The following SLC7A14 variants were observed in gnomAD, a reference collection of about 807,000 sequenced individuals.
The protein encoded by SLC7A14 is solute carrier family 7 member 14.
In SLC7A14, 37 loss-of-function variants were observed where a neutral mutation model predicts 60.2. That is an observed-to-expected ratio of 0.61 (90% confidence interval 0.47 to 0.81). The LOEUF is 0.81. Among genes scored for constraint, SLC7A14 ranks in the 30% least tolerant of loss-of-function variants. The pLI is 0.00. For synonymous variants in SLC7A14, 399 were observed against 395.8 expected (o/e 1.01, Z -0.10); for missense variants, 886 against 982.7 (o/e 0.90, Z 1.32).
At position 170,463,814 on chromosome 3, in the gene SLC7A14, G is replaced by A. The variant is rs1173332484; in HGVS notation, c.*3241C>T. Reference sequence around the variant, plus strand: ...CATTTTCCTCCAATTCATTCATTCTGTCAATCATCAGGTATTTCTTGAATA... The same window carrying A: ...CATTTTCCTCCAATTCATTCATTCTATCAATCATCAGGTATTTCTTGAATA... On this transcript the variant is annotated 3_prime_UTR_variant, in exon 8 of 8. Coordinates refer to ENST00000231706, the MANE Select transcript of SLC7A14 (RefSeq NM_020949.3). 6.6e-6 allele frequency: 1 copy of A among 152,166 alleles called. No individual in the cohort carries two copies. Among genetic ancestry groups the A allele is most frequent in the Non-Finnish European group, 1.5e-5 (1 of 68,038 alleles). The allele number at this position is 152,166 out of a possible 1,614,324, so 9.4% of individuals were successfully genotyped here. A position where few individuals can be genotyped will look rare whatever the true frequency, so the allele number is the denominator to read the frequency against.
rs369587781 is a variant in SLC7A14 at position 170,486,851 on chromosome 3, G to A, written c.760-483C>T. Among the ~76,000 whole-genome samples the A allele has an allele frequency of 2.5e-4, 35 of 138,360 alleles. No individual in the cohort carries two copies. The South Asian group carries it at 4.9e-3, about 19-fold the overall frequency. 90.8% of individuals were successfully genotyped at this position (138,360 alleles called of 152,430 possible). Reference sequence around the variant, plus strand: ...CGCGCCATTGCACTCCAGCCTCGGCGACAGAGGGAGACTCCATCTCAAAAA... The same window carrying A: ...CGCGCCATTGCACTCCAGCCTCGGCAACAGAGGGAGACTCCATCTCAAAAA... On this transcript the variant is annotated intron_variant, in intron 4 of 7. Transcript: ENST00000231706.
intron 1 of SLC7A14, among the ~76,000 whole-genome samples, chr3:170,545,437 G>A (rs1316117657): frequency 6.6e-6 from 1 of 152,196 alleles, no homozygotes; most frequent in Non-Finnish European, 1.5e-5. Flanking sequence ...ACAGTGGTTG[G>A]TGATGAACAT....
intron 1 of SLC7A14, among the ~76,000 whole-genome samples, chr3:170,559,448 A>T (rs1014522351): frequency 6.6e-6 from 1 of 152,226 alleles, no homozygotes; most frequent in African/African-American, 2.4e-5. Context: ...GATCCATAAC[A>T]TCACTTTAAC....
chr3:170,575,919 C>T lies in SLC7A14; in HGVS notation c.-153+9992G>A, dbSNP rs546075292. On this transcript the variant is annotated intron_variant, in intron 1 of 7. Transcript: ENST00000231706. ...GCCCCTGGCTGAATAAATACATCCA[C>T]CTATCTGTATTCAAGTTTCTTCAGT... 3.2e-4 allele frequency among the ~76,000 whole-genome samples: 48 copies of T among 152,324 alleles called. 2 individuals carry two copies. The South Asian group carries it at 9.5e-3, about 30-fold the overall frequency.
intron 7 of SLC7A14, among the ~76,000 whole-genome samples, chr3:170,467,841 TATAAG>T (rs1739765857): frequency 6.6e-6 from 1 of 152,214 alleles, no homozygotes; most frequent in Non-Finnish European, 1.5e-5. Context: ...CCAACGTTCT[TATAAG>T]ATTTGATTAT....
chr3:170,489,302 T>C (rs1712140153), intron 4 of SLC7A14, among the ~76,000 whole-genome samples: 1 of 152,062 alleles, frequency 6.6e-6, no homozygotes, highest in African/African-American at 2.4e-5. Context: ...GGGCAAAAGA[T>C]TTGAATAGAC....
chr3:170,467,988 C>G (rs16855102), intron 7 of SLC7A14, among the ~76,000 whole-genome samples: 27,334 of 152,232 alleles, frequency 0.18, 2,549 homozygotes, highest in East Asian at 0.26. Flanking sequence ...AAGCTGCCTG[C>G]TTTCTTCTGT....
chr3:170,491,485 CA>C (rs1261417284), intron 4 of SLC7A14, among the ~76,000 whole-genome samples: 1 of 152,166 alleles, frequency 6.6e-6, no homozygotes, highest in African/African-American at 2.4e-5. Flanking sequence ...ATGATTCAAA[CA>C]AAATTTCAAT....
At chr3:170,561,460 A>G (rs944964249) in intron 1 of SLC7A14, among the ~76,000 whole-genome samples, 2 of 152,224 alleles carry the variant, frequency 1.3e-5, no homozygotes, top group African/African-American at 4.8e-5. Context: ...TCCAGGGTTT[A>G]GACTAATCTG....
chr3:170,481,173 G>A lies in SLC7A14; in HGVS notation c.1116-7C>T. On this transcript the variant is annotated splice_region_variant and splice_polypyrimidine_tract_variant and intron_variant, in intron 6 of 7. Transcript: ENST00000231706. ...GCTGACGTGAGCCAGGAACCTGGAG[G>A]GGCCGGGCAAGCAGAGGGTTAATGG... 1.9e-6 allele frequency: 3 copies of A among 1,611,010 alleles called. No homozygotes were observed. The highest frequency in any genetic ancestry group is 2.5e-6 in the Non-Finnish European group (3 of 1,178,532).
intron 7 of SLC7A14, among the ~76,000 whole-genome samples, chr3:170,474,915 A>G (rs1711565972): frequency 6.6e-6 from 1 of 152,228 alleles, no homozygotes; most frequent in African/African-American, 2.4e-5. Context: ...TGGTTACATT[A>G]TAATAAAAAC....
intron 1 of SLC7A14, among the ~76,000 whole-genome samples, chr3:170,571,350 C>A (rs919243571): frequency 2.6e-5 from 4 of 152,180 alleles, no homozygotes; most frequent in Non-Finnish European, 4.4e-5. Context: ...CAGTTTAGGG[C>A]AAATCTGTCT....
rs200569665 is a variant in SLC7A14 at position 170,486,209 on chromosome 3, A to G, written c.906+13T>C. 1.2e-6 allele frequency: 2 copies of G among 1,613,988 alleles called. No individual in the cohort carries two copies. The highest frequency in any genetic ancestry group is 3.3e-5 in the Admixed American group (2 of 60,010). On this transcript the variant is annotated intron_variant, in intron 5 of 7. Coordinates refer to ENST00000231706, the MANE Select transcript of SLC7A14 (RefSeq NM_020949.3). ...ACATCGTGAGGAGGGTCCCGCAAGC[A>G]TCTGGTACTTACAGACACATATGCT...
At chr3:170,542,600 T>G (rs1009522260) in intron 1 of SLC7A14, among the ~76,000 whole-genome samples, 2 of 152,236 alleles carry the variant, frequency 1.3e-5, no homozygotes, top group African/African-American at 4.8e-5. Context: ...ACTTGGCCCA[T>G]CTCAAGCACT....
At chr3:170,508,337 C>T (rs895833323) in intron 2 of SLC7A14, among the ~76,000 whole-genome samples, 7 of 152,222 alleles carry the variant, frequency 4.6e-5, no homozygotes, top group Non-Finnish European at 7.3e-5. Flanking sequence ...TTCATGCAGG[C>T]CTCTGGGATC....
chr3:170,514,935 T>C (rs761553904), intron 2 of SLC7A14, among the ~76,000 whole-genome samples: 9 of 152,222 alleles, frequency 5.9e-5, no homozygotes, highest in Non-Finnish European at 1.2e-4. Context: ...ACTGTTATAA[T>C]TTCCATTTGC....
In SLC7A14 at chr3:170,585,552, G is replaced by C. The variant is rs1467310111; in HGVS notation, c.-153+359C>G. 6.6e-6 allele frequency among the ~76,000 whole-genome samples: 1 copy of C among 152,144 alleles called. No homozygotes were observed. The highest frequency in any genetic ancestry group is 1.5e-5 in the Non-Finnish European group (1 of 68,018). ...GCGTCTGCCGAGACCTAGGCTGCCC[G>C]CATTCCGCTCGCGGCTCCCCTTCTG... On this transcript the variant is annotated intron_variant, in intron 1 of 7. Transcript: ENST00000231706. The surrounding 1 kb of genome is among the most constrained non-coding windows in gnomAD (Gnocchi z 5.1).
rs543567005 is a variant in SLC7A14 at position 170,471,959 on chromosome 3, C to T, written c.1994-4582G>A. On this transcript the variant is annotated intron_variant, in intron 7 of 7. Coordinates refer to ENST00000231706, the MANE Select transcript of SLC7A14 (RefSeq NM_020949.3). ...GAGGGTGTCAGCCTTTGTGCTGCAG[C>T]AGTGTCCTGGAGGCTCCTCTGTGGG... Among the ~76,000 whole-genome samples, 8 of 152,154 alleles carry T rather than the reference C, an allele frequency of 5.3e-5. No individual in the cohort carries two copies. The South Asian group carries it at 8.3e-4, about 16-fold the overall frequency.
At chr3:170,559,620 T>C (rs1338513102) in intron 1 of SLC7A14, among the ~76,000 whole-genome samples, 2 of 152,250 alleles carry the variant, frequency 1.3e-5, no homozygotes, top group African/African-American at 2.4e-5. Context: ...TAATCCATGT[T>C]CTAATTAAAT....
Sources: gnomAD v4.1 joint callset for allele counts (sites outside exome capture counted in the v4.1 genomes callset) on GRCh38, gnomAD v4.1.1 for gene constraint, Gnocchi (gnomAD v3.1) non-coding constraint, MANE v1.5 for transcripts, NCBI Gene and HGNC (gene_info 2026-07-23, HGNC 2026-07-21) for gene names.